AUTS2: variants seen among roughly 807,000 people sequenced by gnomAD.
AUTS2 encodes activator of transcription and developmental regulator AUTS2.
AUTS2 carries 17 observed loss-of-function variants against 112.4 expected under a neutral mutation model. The observed-to-expected ratio is 0.15, with a 90% CI of 0.10 to 0.23. The LOEUF (loss-of-function observed/expected upper bound fraction) is 0.23, where lower values mean the gene tolerates loss of function less well. Among genes scored for constraint, AUTS2 ranks in the 10% least tolerant of loss-of-function variants. The probability of loss-of-function intolerance (pLI) is 1.00; values close to 1 mark genes in which losing one functional copy is unlikely to be tolerated. For synonymous variants in AUTS2, 751 were observed against 702.7 expected (o/e 1.07, Z -1.09); for missense variants, 1,510 against 1,701.6 (o/e 0.89, Z 1.98).
chr7:70,765,121 C>T (rs1789853610), intron 8 of AUTS2, 116 bp downstream of exon 8: 1 of 1,383,334 alleles, frequency 7.2e-7, no homozygotes, highest in South Asian at 1.4e-5. Flanking sequence ...TTTTTCCTTC[C>T]TTACTGTGAT....
intron 5 of AUTS2, among the ~76,000 whole-genome samples, chr7:70,674,162 T>C (rs1005919580): frequency 1.3e-5 from 2 of 152,072 alleles, no homozygotes; most frequent in African/African-American, 2.4e-5. Flanking sequence ...TGCTGTGTGC[T>C]AAAGGGGCGG....
intron 4 of AUTS2, among the ~76,000 whole-genome samples, chr7:70,428,903 G>T (rs1362369950): frequency 2.0e-5 from 3 of 152,050 alleles, no homozygotes; most frequent in Admixed American, 6.5e-5. Context: ...TTTCAATTTG[G>T]ACCAGAGTCT....
chr7:70,248,242 G>A (rs1034594018), intron 4 of AUTS2, among the ~76,000 whole-genome samples: 2 of 152,032 alleles, frequency 1.3e-5, no homozygotes, highest in Admixed American at 1.3e-4. Context: ...CCTAGTAGCT[G>A]GGACTACAGG....
chr7:70,470,680 G>A (rs921616849), intron 5 of AUTS2, among the ~76,000 whole-genome samples: 1 of 152,180 alleles, frequency 6.6e-6, no homozygotes, highest in African/African-American at 2.4e-5. Context: ...ATAAAGGAAA[G>A]AGGGTGGAGG....
At chr7:70,213,233 G>A (rs1185850495) in intron 4 of AUTS2, among the ~76,000 whole-genome samples, 1 of 151,802 alleles carries the variant, frequency 6.6e-6, no homozygotes. Flanking sequence ...GATAGAAAAA[G>A]TTACCATTTT....
At chr7:70,666,678 A>G (rs1418973814) in intron 5 of AUTS2, among the ~76,000 whole-genome samples, 1 of 152,074 alleles carries the variant, frequency 6.6e-6, no homozygotes, top group Non-Finnish European at 1.5e-5. Context: ...GTCTGGGTGT[A>G]GGAAATTTCT....
At chr7:69,814,065 A>G (rs1225062546) in intron 1 of AUTS2, among the ~76,000 whole-genome samples, 2 of 152,208 alleles carry the variant, frequency 1.3e-5, no homozygotes, top group Non-Finnish European at 2.9e-5. Flanking sequence ...GAGTAAGTAC[A>G]ATTTCACCAT....
At chr7:70,781,795 TG>T in intron 15 of AUTS2, 39 bp downstream of exon 15, 1 of 1,601,882 alleles carries the variant, frequency 6.2e-7, no homozygotes, top group South Asian at 1.1e-5. Flanking sequence ...AGCTGAGAAA[TG>T]TAGTTCTCAG....
intron 1 of AUTS2, among the ~76,000 whole-genome samples, chr7:69,653,167 G>T (rs896879740): frequency 2.0e-5 from 3 of 152,178 alleles, no homozygotes; most frequent in African/African-American, 7.2e-5. Context: ...ATGTGGGCTT[G>T]CTGGCTCTTC....
At chr7:70,465,496 C>T (rs1338872797) in intron 5 of AUTS2, among the ~76,000 whole-genome samples, 1 of 152,172 alleles carries the variant, frequency 6.6e-6, no homozygotes, top group African/African-American at 2.4e-5. Context: ...TCCAAGGTAG[C>T]TTACAACCTG....
chr7:70,532,541 A>G (rs985869590), intron 5 of AUTS2, among the ~76,000 whole-genome samples: 1 of 152,196 alleles, frequency 6.6e-6, no homozygotes, highest in Non-Finnish European at 1.5e-5. Context: ...ACACCAAGAA[A>G]GAATATGAAA....
intron 5 of AUTS2, among the ~76,000 whole-genome samples, chr7:70,629,789 C>T (rs963734237): frequency 6.6e-6 from 1 of 151,238 alleles, no homozygotes; most frequent in Non-Finnish European, 1.5e-5. Flanking sequence ...AGCTTTAGGT[C>T]TATATTTTGG....
intron 2 of AUTS2, among the ~76,000 whole-genome samples, chr7:70,011,427 T>A (rs1343771719): frequency 6.6e-6 from 1 of 151,450 alleles, no homozygotes; most frequent in Non-Finnish European, 1.5e-5. Context: ...TCAATTTAGC[T>A]CATCAGGGCT....
intron 2 of AUTS2, among the ~76,000 whole-genome samples, chr7:69,994,584 C>T (rs547930649): frequency 3.5e-4 from 53 of 152,194 alleles, no homozygotes; most frequent in South Asian, 6.2e-4. Context: ...TTTCTTTGTT[C>T]AACATACACT....
At chr7:70,387,764 T>G (rs186740600) in intron 4 of AUTS2, among the ~76,000 whole-genome samples, 1 of 152,336 alleles carries the variant, frequency 6.6e-6, no homozygotes, top group East Asian at 1.9e-4. Flanking sequence ...TCTTCATCCA[T>G]CGTCTCTACT....
rs3053872 is a variant in AUTS2 at position 70,692,763 on chromosome 7, CTTTT to C, written c.691-5793_691-5790del. Among the ~76,000 whole-genome samples the C allele has an allele frequency of 4.2e-3, 614 of 147,214 alleles. 4 individuals carry two copies. Among genetic ancestry groups the C allele is most frequent in the Non-Finnish European group, 6.1e-3 (406 of 66,842 alleles). ...TATGCCATACAGCAAGCACCCCCAC[CTTTT>C]TTTTTTTTTTTTAACTTGAGAGGTT... On this transcript the variant is annotated intron_variant, in intron 5 of 18. Transcript: ENST00000342771.
chr7:70,759,882 A>T (rs1178691648), intron 6 of AUTS2, among the ~76,000 whole-genome samples: 1 of 152,172 alleles, frequency 6.6e-6, no homozygotes, highest in African/African-American at 2.4e-5. Flanking sequence ...GATATACTCC[A>T]AGTGGTGTCC....
chr7:69,741,951 C>T (rs543839015), intron 1 of AUTS2, among the ~76,000 whole-genome samples: 13 of 152,018 alleles, frequency 8.6e-5, no homozygotes, highest in South Asian at 4.2e-4. Flanking sequence ...TGAAGCACCA[C>T]GCTTGGCTAA....
chr7:69,772,798 C>T (rs772419651), intron 1 of AUTS2, among the ~76,000 whole-genome samples: 16 of 152,090 alleles, frequency 1.1e-4, no homozygotes, highest in Non-Finnish European at 1.9e-4. Context: ...TTATGAGGAG[C>T]CAGACTAAGA....
Sources: gnomAD v4.1 joint callset for allele counts (sites outside exome capture counted in the v4.1 genomes callset) on GRCh38, gnomAD v4.1.1 for gene constraint, MANE v1.5 for transcripts, NCBI Gene and HGNC (gene_info 2026-07-23, HGNC 2026-07-21) for gene names.